DIDO1: variants seen among roughly 807,000 people sequenced by gnomAD.
The protein encoded by DIDO1 is death inducer-obliterator 1.
Under a neutral mutation model 99.4 loss-of-function variants are expected in DIDO1, and 16 were observed. The observed-to-expected ratio is 0.16, with a 90% CI of 0.11 to 0.24. DIDO1 has a LOEUF of 0.24. Among genes scored for constraint, DIDO1 ranks in the 10% least tolerant of loss-of-function variants. The pLI, the probability that DIDO1 is intolerant of heterozygous loss-of-function variation, is 1.00. For synonymous variants in DIDO1, 1,366 were observed against 1,239.1 expected (o/e 1.10, Z -2.15); for missense variants, 2,996 against 3,014.0 (o/e 0.99, Z 0.14).
intron 1 of DIDO1, among the ~76,000 whole-genome samples, chr20:62,920,164 C>T (rs1195016255): frequency 6.6e-6 from 1 of 152,192 alleles, no homozygotes; most frequent in East Asian, 1.9e-4. Flanking sequence ...CCTCATGCCG[C>T]AAGTGTGGCA....
intron 15 of DIDO1, chr20:62,887,444 A>C: frequency 1.0e-6 from 1 of 985,484 alleles, no homozygotes. Flanking sequence ...TTCCCAGAAG[A>C]GCTTTCTAAT....
chr20:62,902,238 T>C (rs2064699486), intron 6 of DIDO1, among the ~76,000 whole-genome samples: 1 of 152,238 alleles, frequency 6.6e-6, no homozygotes, highest in African/African-American at 2.4e-5. Flanking sequence ...AATGGCAGGC[T>C]GCTTTTTAAG....
rs982345354 is a variant in DIDO1, at chr20:62,914,330, G to A, written c.-123C>T. The A allele has an allele frequency of 9.2e-5, 14 of 152,196 alleles. No homozygotes were observed. The highest frequency in any genetic ancestry group is 3.1e-4 in the African/African-American group (13 of 41,448). 9.4% of individuals were successfully genotyped at this position (152,196 alleles called of 1,614,324 possible). ...CAGGCTCACAACAACACTGTTGTCA[G>A]CCACTGTTCACGAGTAACAGGCTTC... On this transcript the variant is annotated 5_prime_UTR_variant, in exon 2 of 16. Transcript: ENST00000395343.
At chr20:62,888,358 G>C (rs1422261209) in intron 15 of DIDO1, 4 of 985,400 alleles carry the variant, frequency 4.1e-6, no homozygotes, top group Non-Finnish European at 4.8e-6. Context: ...CCACATCAGT[G>C]CCCTGATGCA....
At chr20:62,893,075 G>A (rs749891829) in intron 12 of DIDO1, 113 bp from the exon 13 acceptor site, 7 of 1,159,752 alleles carry the variant, frequency 6.0e-6, no homozygotes, top group Non-Finnish European at 8.3e-6. Context: ...CATGCAGGCT[G>A]GAGTGCGGTG....
At chr20:62,891,178 A>T (rs1302835032) in intron 14 of DIDO1, 23 bp from the exon 15 acceptor site, 3 of 1,612,674 alleles carry the variant, frequency 1.9e-6, no homozygotes, top group Admixed American at 1.7e-5. Flanking sequence ...AGTGGGAAGC[A>T]CTCATAAAGA....
chr20:62,921,378 C>T (rs1412009924), intron 1 of DIDO1, among the ~76,000 whole-genome samples: 1 of 152,228 alleles, frequency 6.6e-6, no homozygotes, highest in Non-Finnish European at 1.5e-5. Context: ...CCTTCCACTG[C>T]TGGAGCCTGA....
rs2064144671 is a variant in DIDO1, at chr20:62,878,720, T to C, written c.*513A>G. On this transcript the variant is annotated 3_prime_UTR_variant, in exon 16 of 16. Transcript: ENST00000395343. Reference sequence around the variant, plus strand: ...GTTGAAAATTGTAATTCCAATTTTATGACAAAAGAAAGATGCATTTGTAAG... The same window carrying C: ...GTTGAAAATTGTAATTCCAATTTTACGACAAAAGAAAGATGCATTTGTAAG... 1 of 152,498 alleles carries C rather than the reference T, an allele frequency of 6.6e-6. No individual in the cohort carries two copies. The highest frequency in any genetic ancestry group is 2.4e-5 in the African/African-American group (1 of 41,484). The allele number at this position is 152,498 out of a possible 1,614,324, so 9.4% of individuals were successfully genotyped here.
At chr20:62,901,027 G>A (rs1410570364) in intron 6 of DIDO1, among the ~76,000 whole-genome samples, 2 of 152,262 alleles carry the variant, frequency 1.3e-5, no homozygotes, top group Non-Finnish European at 2.9e-5. Context: ...CAAGGTGGCA[G>A]CGGCAAGAGA....
chr20:62,903,734 C>T (rs3746761), intron 6 of DIDO1, among the ~76,000 whole-genome samples: 2 of 152,228 alleles, frequency 1.3e-5, no homozygotes, highest in Non-Finnish European at 2.9e-5. Context: ...CCATCCTATA[C>T]AAATTCTGGA....
intron 4 of DIDO1, 85 bp downstream of exon 4, chr20:62,909,614 G>T: frequency 1.3e-6 from 2 of 1,537,536 alleles, no homozygotes; most frequent in South Asian, 1.2e-5. Context: ...TGCAGCACCC[G>T]TCCTGGGAGG....
rs762356761 is a variant in DIDO1, at chr20:62,882,042, G to A, written c.3914C>T (p.Ser1305Leu). Residue 1305 changes from serine (S) to leucine (L), a missense_variant, in exon 16 of 16, where the codon TCG (serine) becomes TTG (leucine). By Grantham distance (145) the Ser-to-Leu change is moderately radical. This residue lies in a region of DIDO1 where 1,562 missense variants were observed against 1,412.6 expected (regional missense o/e 1.11). Coordinates refer to ENST00000395343, the MANE Select transcript of DIDO1 (RefSeq NM_001193369.2). ...CGGTGATGCTGTTTTGGAAGCAGAC[G>A]AAGCGGTGGAGGAAGCTGCCGTGGA... is the stretch of plus-strand genomic sequence containing the variant. ...AASTAASSTASSASKTASPLE... is the reference protein window; with the variant it reads ...AASTAASSTALSASKTASPLE... 5.0e-6 allele frequency: 8 copies of A among 1,613,492 alleles called. No individual in the cohort carries two copies. The highest frequency in any genetic ancestry group is 1.7e-5 in the Admixed American group (1 of 60,002).
At chr20:62,920,935 T>C (rs1309633658) in intron 1 of DIDO1, among the ~76,000 whole-genome samples, 1 of 152,210 alleles carries the variant, frequency 6.6e-6, no homozygotes, top group Non-Finnish European at 1.5e-5. Context: ...TCGCTCTCAC[T>C]TAGGCTGGAG....
intron 6 of DIDO1, among the ~76,000 whole-genome samples, chr20:62,903,653 T>C (rs1158764674): frequency 2.0e-5 from 3 of 152,210 alleles, no homozygotes; most frequent in Admixed American, 1.3e-4. Context: ...AATCACCTTT[T>C]GGGAAGACAA....
At chr20:62,890,101 C>A (rs531818691) in intron 15 of DIDO1, 3 of 985,586 alleles carry the variant, frequency 3.0e-6, no homozygotes, top group Non-Finnish European at 3.6e-6. Flanking sequence ...GGCCTGGTGA[C>A]AGGGACAGAG....
intron 6 of DIDO1, among the ~76,000 whole-genome samples, chr20:62,897,325 C>T (rs1326547294): frequency 6.6e-6 from 1 of 152,224 alleles, no homozygotes; most frequent in Non-Finnish European, 1.5e-5. Context: ...AATTTCCTAT[C>T]ATCACTTTTT....
At chr20:62,895,368 G>A (rs2064495854) in intron 8 of DIDO1, among the ~76,000 whole-genome samples, 2 of 152,142 alleles carry the variant, frequency 1.3e-5, no homozygotes. Context: ...TGCGCCCCAG[G>A]ATATCCCTGC....
chr20:62,911,620 G>T lies in DIDO1; in HGVS notation c.-2-6C>A, dbSNP rs202122647. The T allele has an allele frequency of 6.4e-7, 1 of 1,552,072 alleles. No individual in the cohort carries two copies. The highest frequency in any genetic ancestry group is 2.3e-5 in the East Asian group (1 of 44,158). On this transcript the variant is annotated splice_polypyrimidine_tract_variant and splice_region_variant and intron_variant, in intron 2 of 15. Coordinates refer to ENST00000395343, the MANE Select transcript of DIDO1 (RefSeq NM_001193369.2). This position sits in a 1 kb window ranked among gnomAD's most constrained non-coding sequence, Gnocchi z 7.0. ...GTCGCCTTTGTCGTCCATACCTAGC[G>T]GTAAAGTGTAAGCACATAGTGACCA...
At chr20:62,889,330 C>T (rs1031364592) in intron 15 of DIDO1, 8 of 984,814 alleles carry the variant, frequency 8.1e-6, no homozygotes, top group African/African-American at 5.3e-5. Context: ...GTGGGGAACC[C>T]GGTGCCCGGC....
Sources: gnomAD v4.1 joint callset for allele counts (sites outside exome capture counted in the v4.1 genomes callset) on GRCh38, gnomAD v4.1.1 for gene constraint, gnomAD v4.1.1 regional missense constraint, Gnocchi (gnomAD v3.1) non-coding constraint, MANE v1.5 for transcripts, NCBI Gene and HGNC (gene_info 2026-07-23, HGNC 2026-07-21) for gene names.